Variants in KCTD1 observed in about 807,000 individuals in gnomAD.
KCTD1 encodes BTB/POZ domain-containing protein KCTD1.
Under a neutral mutation model 66.0 loss-of-function variants are expected in KCTD1, and 24 were observed. That is an observed-to-expected ratio of 0.36 (90% CI 0.26 to 0.51). KCTD1 has a LOEUF of 0.51. Ranked by LOEUF, KCTD1 falls within the 20% of genes least tolerant of loss-of-function variation. The pLI is 0.95. For synonymous variants in KCTD1, 511 were observed against 517.2 expected (o/e 0.99, Z 0.16); for missense variants, 943 against 1,205.2 (o/e 0.78, Z 3.22).
At chr18:26,481,851 A>G (rs1235336155) in intron 2 of KCTD1, among the ~76,000 whole-genome samples, 3 of 152,176 alleles carry the variant, frequency 2.0e-5, no homozygotes, top group Admixed American at 6.5e-5. Flanking sequence ...AAGCCCAGGC[A>G]TCTGTATTTT....
Position 26,548,083 on chromosome 18 carries a change from C to A in KCTD1, c.454G>T (p.Gly152Cys). Reference sequence around the variant, plus strand: ...AGCACGTCGGGGTCCAGCTCGGAGCCGTCCCCGGGCGGCCCACCGCGGGCC... The same window carrying A: ...AGCACGTCGGGGTCCAGCTCGGAGCAGTCCCCGGGCGGCCCACCGCGGGCC... ...PRARGGPPGD[G>C]SELDPDVLQR... is the part of the protein sequence containing the mutation. The change falls in exon 1 of 5, where the codon GGC (glycine) becomes TGC (cysteine). Residue 152 changes from glycine (G) to cysteine (C), a missense_variant. Gly to Cys is a radical substitution (Grantham distance 159). Around this residue, in one of 10 missense-constraint regions of KCTD1, gnomAD observed 96 missense variants for 132.5 expected, o/e 0.72. Transcript: ENST00000580059. The A allele has an allele frequency of 7.4e-7, 1 of 1,349,924 alleles. No individual in the cohort carries two copies. Among genetic ancestry groups the A allele is most frequent in the African/African-American group, 1.5e-5 (1 of 65,308 alleles). The allele number at this position is 1,349,924 out of a possible 1,614,324, so 83.6% of individuals were successfully genotyped here. A position where few individuals can be genotyped will look rare whatever the true frequency, so the allele number is the denominator to read the frequency against.
intron 1 of KCTD1, among the ~76,000 whole-genome samples, chr18:26,578,279 C>T (rs982891416): frequency 2.6e-5 from 4 of 151,984 alleles, no homozygotes; most frequent in Admixed American, 1.3e-4. Flanking sequence ...AATATTTTTG[C>T]TCTTCTATAA....
chr18:26,512,704 C>G (rs9945300), intron 1 of KCTD1, among the ~76,000 whole-genome samples: 110,449 of 151,988 alleles, frequency 0.73, 40,954 homozygotes, highest in Middle Eastern at 0.8. Flanking sequence ...TTTTTGGCCG[C>G]ATGAGGTGGC....
chr18:26,475,573 G>A (rs1210059984), intron 3 of KCTD1, among the ~76,000 whole-genome samples: 1 of 152,180 alleles, frequency 6.6e-6, no homozygotes, highest in Admixed American at 6.5e-5. Context: ...TTGACTGGCT[G>A]GGCACAGTGG....
intron 1 of KCTD1, among the ~76,000 whole-genome samples, chr18:26,516,576 G>C (rs1021190648): frequency 6.6e-6 from 1 of 152,168 alleles, no homozygotes; most frequent in African/African-American, 2.4e-5. Context: ...ACAGATAAAT[G>C]GTTATAGCAA....
intron 1 of KCTD1, among the ~76,000 whole-genome samples, chr18:26,510,034 A>T (rs545875086): frequency 6.6e-6 from 1 of 152,246 alleles, no homozygotes; most frequent in South Asian, 2.1e-4. Context: ...CTTTCCTCCG[A>T]GCACAAAAAA....
intron 1 of KCTD1, among the ~76,000 whole-genome samples, chr18:26,640,123 G>A (rs560000382): frequency 6.6e-6 from 1 of 152,276 alleles, no homozygotes; most frequent in East Asian, 1.9e-4. Flanking sequence ...GTCCAGAGGA[G>A]AGAGGGTAGA....
chr18:26,595,919 C>T (rs577605914), intron 1 of KCTD1, among the ~76,000 whole-genome samples: 1 of 152,024 alleles, frequency 6.6e-6, no homozygotes, highest in South Asian at 2.1e-4. Flanking sequence ...GTAGTGTGCC[C>T]CTGTAGTCCT....
At chr18:26,575,866 C>A (rs1986213265) in intron 1 of KCTD1, among the ~76,000 whole-genome samples, 1 of 152,166 alleles carries the variant, frequency 6.6e-6, no homozygotes, top group Admixed American at 6.5e-5. Context: ...TGAAACAGAG[C>A]CAAGGATGAG....
chr18:26,599,566 C>T (rs1986842587), intron 1 of KCTD1: 1 of 1,503,000 alleles, frequency 6.7e-7, no homozygotes, highest in South Asian at 1.1e-5. Flanking sequence ...TGCAGTCTGC[C>T]CACAAAGAAT....
intron 1 of KCTD1, among the ~76,000 whole-genome samples, chr18:26,622,044 G>A (rs1987397525): frequency 6.6e-6 from 1 of 152,190 alleles, no homozygotes; most frequent in Non-Finnish European, 1.5e-5. Context: ...GATTAGCTGT[G>A]TGGCTTTAAG....
upstream of KCTD1, among the ~76,000 whole-genome samples, chr18:26,631,195 G>C (rs968935250): frequency 6.6e-6 from 1 of 152,198 alleles, no homozygotes; most frequent in Non-Finnish European, 1.5e-5. Flanking sequence ...GGAATGCAAA[G>C]TATTTTCATA....
chr18:26,605,764 C>CTATA (rs1175251176), intron 1 of KCTD1, among the ~76,000 whole-genome samples: 2 of 142,862 alleles, frequency 1.4e-5, no homozygotes, highest in African/African-American at 5.2e-5. Context: ...ATCTATCTAT[C>CTATA]TATCTATATT....
upstream of KCTD1, among the ~76,000 whole-genome samples, chr18:26,550,565 G>GACACAGACAC (rs1555642093): frequency 7.1e-6 from 1 of 140,490 alleles, no homozygotes; most frequent in Non-Finnish European, 1.5e-5. The surrounding 1 kb of genome is among the most constrained non-coding windows in gnomAD (Gnocchi z 5.4). Flanking sequence ...AAGACACACA[G>GACACAGACAC]ACACACACAC....
intron 1 of KCTD1, among the ~76,000 whole-genome samples, chr18:26,622,185 A>C (rs1473444422): frequency 6.6e-6 from 1 of 151,712 alleles, no homozygotes; most frequent in Admixed American, 6.6e-5. Context: ...CAGAAGTAAG[A>C]AAAAAAAAGA....
At chr18:26,583,993 C>G (rs1285091033) in intron 1 of KCTD1, among the ~76,000 whole-genome samples, 3 of 152,170 alleles carry the variant, frequency 2.0e-5, no homozygotes, top group African/African-American at 7.2e-5. Context: ...TAACATCAGT[C>G]CACAGATCAA....
At chr18:26,631,412 C>T (rs561799), upstream of KCTD1, among the ~76,000 whole-genome samples, 113,180 of 152,104 alleles carry the variant, frequency 0.74, 42,331 homozygotes, top group East Asian at 0.8. Context: ...AGCATGTTAC[C>T]GCACTGAATA....
chr18:26,489,547 T>C (rs943268985), intron 2 of KCTD1, among the ~76,000 whole-genome samples: 1 of 152,238 alleles, frequency 6.6e-6, no homozygotes, highest in Non-Finnish European at 1.5e-5. Context: ...TGGCCTGTTT[T>C]TTTTCTTTCA....
chr18:26,463,323 G>T (rs1443998997), intron 3 of KCTD1, among the ~76,000 whole-genome samples: 5 of 151,870 alleles, frequency 3.3e-5, no homozygotes, highest in African/African-American at 1.2e-4. Flanking sequence ...GGATGTGGTG[G>T]CCCGGGCCTG....
Sources: allele counts gnomAD v4.1 joint callset (sites outside exome capture counted in the v4.1 genomes callset), GRCh38; gene constraint gnomAD v4.1.1; regional missense constraint gnomAD v4.1.1; non-coding constraint Gnocchi (gnomAD v3.1); transcripts MANE v1.5; gene names NCBI Gene and HGNC (gene_info 2026-07-23, HGNC 2026-07-21).